CTNND2: variants seen among roughly 807,000 people sequenced by gnomAD.
CTNND2 encodes catenin delta 2, also known as catenin delta-2.
CTNND2 carries 22 observed loss-of-function variants against 144.4 expected under a neutral mutation model. That is an observed-to-expected ratio of 0.15 (90% CI 0.11 to 0.22). CTNND2 has a LOEUF of 0.22. Ranked by LOEUF, CTNND2 falls within the 10% of genes least tolerant of loss-of-function variation. CTNND2 has a pLI of 1.00. For missense variants in CTNND2, 1,353 were observed against 1,618.8 expected, an observed-to-expected ratio of 0.84 and a Z score of 2.82; for synonymous variants, 751 against 695.6, an observed-to-expected ratio of 1.08 and a Z score of -1.25.
At chr5:11,639,999 A>G (rs1193567596) in intron 2 of CTNND2, among the ~76,000 whole-genome samples, 1 of 152,198 alleles carries the variant, frequency 6.6e-6, no homozygotes, top group Admixed American at 6.6e-5. Flanking sequence ...TTGCAGAGGA[A>G]AATTTCTTAC....
chr5:11,859,590 C>G (rs1225925669), intron 1 of CTNND2, among the ~76,000 whole-genome samples: 3 of 152,090 alleles, frequency 2.0e-5, no homozygotes, highest in Admixed American at 6.5e-5. Flanking sequence ...ACAGGAAAGG[C>G]CCTAGAGACC....
At chr5:11,642,794 G>A (rs971271163) in intron 2 of CTNND2, among the ~76,000 whole-genome samples, 2 of 152,204 alleles carry the variant, frequency 1.3e-5, no homozygotes, top group African/African-American at 4.8e-5. Context: ...CAATGTCACA[G>A]ATAAAATACT....
chr5:11,829,634 G>T (rs1049007299), intron 1 of CTNND2, among the ~76,000 whole-genome samples: 1 of 152,208 alleles, frequency 6.6e-6, no homozygotes, highest in Admixed American at 6.5e-5. Flanking sequence ...AGAAATGCCT[G>T]GATGTCCAGG....
chr5:11,116,249 TCC>T (rs1469843106), intron 13 of CTNND2, among the ~76,000 whole-genome samples: 1 of 152,160 alleles, frequency 6.6e-6, no homozygotes, highest in Non-Finnish European at 1.5e-5. Context: ...CCAATTTTGC[TCC>T]CTGCAGGACA....
At chr5:11,480,746 C>G (rs1177871029) in intron 3 of CTNND2, among the ~76,000 whole-genome samples, 1 of 151,614 alleles carries the variant, frequency 6.6e-6, no homozygotes, top group African/African-American at 2.4e-5. Flanking sequence ...GAGACCTAGG[C>G]AGGTAAGTTC....
intron 9 of CTNND2, among the ~76,000 whole-genome samples, chr5:11,243,639 C>T (rs1183842948): frequency 6.6e-6 from 1 of 152,188 alleles, no homozygotes; most frequent in Admixed American, 6.5e-5. Flanking sequence ...AAACTTGTCA[C>T]ACAGGCCCAC....
intron 2 of CTNND2, among the ~76,000 whole-genome samples, chr5:11,726,661 C>T (rs4291011): frequency 0.22 from 33,354 of 151,970 alleles, 4,568 homozygotes; most frequent in African/African-American, 0.39. Context: ...ATGACAGAAG[C>T]GTTAGAAGCA....
chr5:11,865,521 T>C (rs1795719598), intron 1 of CTNND2, among the ~76,000 whole-genome samples: 1 of 152,180 alleles, frequency 6.6e-6, no homozygotes, highest in Non-Finnish European at 1.5e-5. Flanking sequence ...ATATAATTCA[T>C]TTTTATTAAT....
chr5:11,417,632 T>C (rs908639036), intron 3 of CTNND2, among the ~76,000 whole-genome samples: 4 of 152,116 alleles, frequency 2.6e-5, no homozygotes, highest in Non-Finnish European at 4.4e-5. Flanking sequence ...TGTCCAAAAA[T>C]TTGAAAGCCT....
rs192464015 is a variant in CTNND2 at position 11,175,965 on chromosome 5, C to G, written c.1976-16206G>C. On this transcript the variant is annotated intron_variant, in intron 11 of 21. Coordinates refer to ENST00000304623, the MANE Select transcript of CTNND2 (RefSeq NM_001332.4). Reference sequence around the variant, plus strand: ...TCCCATGCGCATTCCTTTTAATTAACCTTCTTCTTATGAGTGTAGTAGCTG... The same window carrying G: ...TCCCATGCGCATTCCTTTTAATTAAGCTTCTTCTTATGAGTGTAGTAGCTG... 2.6e-3 allele frequency among the ~76,000 whole-genome samples: 403 copies of G among 152,270 alleles called. 7 individuals are homozygous for G. Among genetic ancestry groups the G allele is most frequent in the African/African-American group, 9.1e-3 (377 of 41,558 alleles).
intron 9 of CTNND2, among the ~76,000 whole-genome samples, chr5:11,255,319 C>T (rs26444): frequency 0.4 from 61,436 of 152,024 alleles, 12,785 homozygotes; most frequent in African/African-American, 0.47. Flanking sequence ...AACAGTTGGG[C>T]CTCCAGCTGT....
At chr5:11,158,567 T>C (rs1376284647) in intron 12 of CTNND2, among the ~76,000 whole-genome samples, 2 of 152,144 alleles carry the variant, frequency 1.3e-5, no homozygotes, top group Non-Finnish European at 2.9e-5. Context: ...TGCACACACA[T>C]TTCACACAAA....
At chr5:11,297,132 A>C (rs2650389) in intron 9 of CTNND2, among the ~76,000 whole-genome samples, 52,107 of 152,078 alleles carry the variant, frequency 0.34, 9,009 homozygotes, top group Middle Eastern at 0.39. Flanking sequence ...TGCCAACATC[A>C]CAGATGTTCA....
chr5:11,026,240 A>G (rs763160556), intron 16 of CTNND2, among the ~76,000 whole-genome samples: 2 of 151,950 alleles, frequency 1.3e-5, no homozygotes, highest in African/African-American at 4.8e-5. Flanking sequence ...TGAGCCTGGC[A>G]TGGGGCAGAA....
At position 11,460,023 on chromosome 5, in the gene CTNND2, A is replaced by T. The variant is rs191018245; in HGVS notation, c.288-47954T>A. Reference sequence around the variant, plus strand: ...GAAGCTGAACCTTTCTCACACAATAATATTTGCCTATCATGTTGACAAGAT... The same window carrying T: ...GAAGCTGAACCTTTCTCACACAATATTATTTGCCTATCATGTTGACAAGAT... On this transcript the variant is annotated intron_variant, in intron 3 of 21. Transcript: ENST00000304623. Among the ~76,000 whole-genome samples, 133 of 152,322 alleles carry T rather than the reference A, an allele frequency of 8.7e-4. 2 individuals are homozygous for T. Among genetic ancestry groups the T allele is most frequent in the African/African-American group, 2.9e-3 (121 of 41,578 alleles).
At chr5:11,608,080 A>C (rs1780145708) in intron 2 of CTNND2, among the ~76,000 whole-genome samples, 1 of 152,164 alleles carries the variant, frequency 6.6e-6, no homozygotes, top group Non-Finnish European at 1.5e-5. Flanking sequence ...TTTGACCCTC[A>C]AGAGAACCCT....
Position 11,836,935 on chromosome 5 carries a change from G to A in CTNND2, c.37+66882C>T, listed in dbSNP as rs568403310. Among the ~76,000 whole-genome samples, 94 of 152,284 alleles carry A rather than the reference G, an allele frequency of 6.2e-4. 1 individual carries two copies. Among genetic ancestry groups the A allele is most frequent in the African/African-American group, 2.1e-3 (88 of 41,570 alleles). On this transcript the variant is annotated intron_variant, in intron 1 of 21. Transcript: ENST00000304623. ...GTGGTCCAAGGCAAAAGCTCCAAGC[G>A]GGGCCGCTCTGGGAAAGGTGGTCAG...
At chr5:11,869,967 G>T (rs1483053504) in intron 1 of CTNND2, among the ~76,000 whole-genome samples, 1 of 152,102 alleles carries the variant, frequency 6.6e-6, no homozygotes, top group Non-Finnish European at 1.5e-5. Flanking sequence ...CAAAATGTCT[G>T]CACCTTGAGA....
At chr5:11,082,646 A>G (rs1189209205) in intron 16 of CTNND2, 50 bp downstream of exon 16, 2 of 1,597,238 alleles carry the variant, frequency 1.3e-6, no homozygotes, top group Non-Finnish European at 1.7e-6. Flanking sequence ...ACCCCTAGAG[A>G]AAATATTTTC....
Sources: allele counts gnomAD v4.1 joint callset (sites outside exome capture counted in the v4.1 genomes callset), GRCh38; gene constraint gnomAD v4.1.1; transcripts MANE v1.5; gene names NCBI Gene and HGNC (gene_info 2026-07-23, HGNC 2026-07-21).